The following CREB5 variants were observed in gnomAD, a reference collection of about 807,000 sequenced individuals.
CREB5 encodes cAMP responsive element binding protein 5.
A neutral mutation model predicts 57.1 loss-of-function variants in CREB5; 19 were observed. The ratio of observed to expected loss-of-function variants is 0.33; its 90% CI spans 0.23 to 0.49. CREB5 has a LOEUF of 0.49. Among genes scored for constraint, CREB5 ranks in the 20% least tolerant of loss-of-function variants. The pLI is 0.99. For synonymous variants in CREB5, 238 were observed against 238.3 expected (o/e 1.00, Z 0.01); for missense variants, 579 against 671.6 (o/e 0.86, Z 1.52).
At chr7:28,581,532 A>G (rs1489057979) in intron 5 of CREB5, among the ~76,000 whole-genome samples, 1 of 152,198 alleles carries the variant, frequency 6.6e-6, no homozygotes, top group Non-Finnish European at 1.5e-5. Flanking sequence ...AAAGAGAATC[A>G]CAAACGCCCT....
At chr7:28,737,004 T>C (rs1319910332) in intron 7 of CREB5, among the ~76,000 whole-genome samples, 1 of 152,060 alleles carries the variant, frequency 6.6e-6, no homozygotes, top group Non-Finnish European at 1.5e-5. Flanking sequence ...CTGATCATCC[T>C]GTTCCCACCC....
intron 7 of CREB5, among the ~76,000 whole-genome samples, chr7:28,745,811 G>A (rs182738791): frequency 7.9e-5 from 12 of 152,310 alleles, no homozygotes; most frequent in African/African-American, 2.4e-4. Flanking sequence ...CAGAAGTGGC[G>A]TGGTTAGTGA....
At chr7:28,578,264 A>G (rs545173717) in intron 5 of CREB5, among the ~76,000 whole-genome samples, 23 of 152,210 alleles carry the variant, frequency 1.5e-4, no homozygotes, top group African/African-American at 4.8e-4. Context: ...TAGTTCCTAC[A>G]TCAAGATTGG....
chr7:28,740,068 T>TG, intron 7 of CREB5, among the ~76,000 whole-genome samples: 2 of 152,020 alleles, frequency 1.3e-5, no homozygotes, highest in Admixed American at 1.3e-4. Context: ...AAAAAAGGAA[T>TG]GGGGGTGGGG....
At chr7:28,452,769 G>A (rs932798317) in intron 1 of CREB5, among the ~76,000 whole-genome samples, 1 of 152,190 alleles carries the variant, frequency 6.6e-6, no homozygotes, top group Non-Finnish European at 1.5e-5. Flanking sequence ...GCCTCTTACT[G>A]GGAGAAAGCT....
intron 1 of CREB5, among the ~76,000 whole-genome samples, chr7:28,468,755 C>T (rs1351445914): frequency 2.6e-5 from 4 of 152,174 alleles, no homozygotes; most frequent in East Asian, 3.9e-4. Flanking sequence ...GAGAGTCAAC[C>T]GCGTGCTAAA....
upstream of CREB5, among the ~76,000 whole-genome samples, chr7:28,409,022 C>T (rs904584200): frequency 3.3e-5 from 5 of 152,066 alleles, no homozygotes; most frequent in Admixed American, 2.6e-4. This position sits in a 1 kb window ranked among gnomAD's most constrained non-coding sequence, Gnocchi z 4.4. Flanking sequence ...AGCCCACGCC[C>T]GCGCCTCCTC....
chr7:28,661,657 T>A (rs1413109993), intron 5 of CREB5, among the ~76,000 whole-genome samples: 1 of 152,180 alleles, frequency 6.6e-6, no homozygotes, highest in Non-Finnish European at 1.5e-5. Context: ...TCAGGAAAGC[T>A]CTGATATTTT....
chr7:28,683,740 C>T (rs573037724), intron 5 of CREB5, among the ~76,000 whole-genome samples: 12 of 152,240 alleles, frequency 7.9e-5, no homozygotes, highest in Non-Finnish European at 1.3e-4. Context: ...AAGCAAGGCA[C>T]AGGAAAGCCA....
intron 5 of CREB5, among the ~76,000 whole-genome samples, chr7:28,608,740 A>T (rs539186485): frequency 1.9e-4 from 29 of 152,368 alleles, no homozygotes; most frequent in Middle Eastern, 3.4e-3. Flanking sequence ...TTCCTCAGAC[A>T]TGGCCAACTT....
In CREB5 at chr7:28,682,416, G is replaced by A. The variant is rs143656036; in HGVS notation, c.465-36337G>A. Among the ~76,000 whole-genome samples the A allele has an allele frequency of 1.1e-3, 172 of 152,332 alleles. 1 individual carries two copies. The highest frequency in any genetic ancestry group is 3.8e-3 in the African/African-American group (160 of 41,572). On this transcript the variant is annotated intron_variant, in intron 5 of 10. Transcript: ENST00000357727. ...TCTGTGACCAGAGGGTTCACTGGAA[G>A]CAATTTGCAAAGGAGGACTTAGAAA...
At chr7:28,615,362 G>A (rs1797556782) in intron 5 of CREB5, 1 of 152,432 alleles carries the variant, frequency 6.6e-6, no homozygotes, top group Non-Finnish European at 1.5e-5. Flanking sequence ...CAGGGATTGA[G>A]ATGATGCCAT....
At chr7:28,425,953 G>A (rs1034066730) in intron 1 of CREB5, among the ~76,000 whole-genome samples, 4 of 152,152 alleles carry the variant, frequency 2.6e-5, no homozygotes, top group African/African-American at 9.7e-5. Context: ...ATTTCAGTGA[G>A]GGCCACCACT....
intron 1 of CREB5, among the ~76,000 whole-genome samples, chr7:28,313,819 T>C (rs1014979872): frequency 6.6e-6 from 1 of 152,178 alleles, no homozygotes; most frequent in African/African-American, 2.4e-5. Context: ...GCTGAAGAAA[T>C]AAAAATTTAA....
intron 5 of CREB5, among the ~76,000 whole-genome samples, chr7:28,605,149 G>A (rs41272): frequency 0.47 from 71,140 of 151,948 alleles, 17,388 homozygotes; most frequent in East Asian, 0.6. Flanking sequence ...AATGACTTAC[G>A]TAGAGAAGAC....
chr7:28,361,438 C>T (rs576175992), intron 1 of CREB5, among the ~76,000 whole-genome samples: 241 of 152,308 alleles, frequency 1.6e-3, no homozygotes, highest in African/African-American at 5.6e-3. Context: ...ATCCAGATGC[C>T]TCTCTAAGGA....
At chr7:28,715,298 T>A (rs1802623889) in intron 5 of CREB5, among the ~76,000 whole-genome samples, 1 of 152,216 alleles carries the variant, frequency 6.6e-6, no homozygotes, top group Non-Finnish European at 1.5e-5. Context: ...ATGACCCATG[T>A]GACCTTGGGA....
chr7:28,642,993 C>CACACACACAT (rs1798736718), intron 5 of CREB5, among the ~76,000 whole-genome samples: 2 of 101,694 alleles, frequency 2.0e-5, no homozygotes, highest in Non-Finnish European at 4.2e-5. Flanking sequence ...CACATACACA[C>CACACACACAT]ACACACACAC....
At chr7:28,375,687 C>T (rs1420573238) in intron 1 of CREB5, among the ~76,000 whole-genome samples, 1 of 149,908 alleles carries the variant, frequency 6.7e-6, no homozygotes, top group Non-Finnish European at 1.5e-5. Flanking sequence ...AACAAAGATA[C>T]AGCTGTTCTG....
Sources: gnomAD v4.1 joint callset for allele counts (sites outside exome capture counted in the v4.1 genomes callset) on GRCh38, gnomAD v4.1.1 for gene constraint, Gnocchi (gnomAD v3.1) non-coding constraint, MANE v1.5 for transcripts, NCBI Gene and HGNC (gene_info 2026-07-23, HGNC 2026-07-21) for gene names.